The following OR1C1 variants were observed in gnomAD, a reference collection of about 807,000 sequenced individuals.
OR1C1 encodes olfactory receptor 1C1.
For synonymous variants in OR1C1, 153 were observed against 154.6 expected (o/e 0.99, Z 0.08); for missense variants, 407 against 384.3 (o/e 1.06, Z -0.49).
rs1313516948 is a variant in OR1C1 at position 247,754,943 on chromosome 1, T to A, written c.*2519A>T. ...ATGCCAATTAAATTTTAAAATGCAA[T>A]AAAAAGATACAGTAATCAAAAATGG... is the stretch of plus-strand genomic sequence containing the variant. On this transcript the variant is annotated 3_prime_UTR_variant, in exon 2 of 2. Transcript: ENST00000641256. The A allele has an allele frequency of 6.6e-6, 1 of 151,982 alleles. No homozygotes were observed. The highest frequency in any genetic ancestry group is 1.5e-5 in the Non-Finnish European group (1 of 67,938). 9.4% of individuals were successfully genotyped at this position (151,982 alleles called of 1,614,324 possible).
In OR1C1 at chr1:247,758,048, T is replaced by A. The variant is rs1174254373; in HGVS notation, c.359A>T (p.Tyr120Phe). ...MDSLLLCVMA[Y>F]DRYVAICHPL... ...GTGGCAAATCGCCACATATCTATCATACGCCATCACACACAGAAGGAGGCT... is the reference window on the plus strand; with the variant it reads ...GTGGCAAATCGCCACATATCTATCAAACGCCATCACACACAGAAGGAGGCT... Residue 120 changes from tyrosine to phenylalanine, a missense_variant, in exon 2 of 2, where the codon TAT (tyrosine) becomes TTT (phenylalanine). By Grantham distance (22) the Tyr-to-Phe change is conservative (BLOSUM62 3). Transcript: ENST00000641256. 2 of 1,614,088 alleles carry A rather than the reference T, an allele frequency of 1.2e-6. No individual in the cohort carries two copies. Among genetic ancestry groups the A allele is most frequent in the Admixed American group, 1.7e-5 (1 of 59,996 alleles).
chr1:247,757,686 A>T lies in OR1C1; in HGVS notation c.721T>A (p.Cys241Ser). ...ACCACCACTGACAGGTGGCAGCTGC[A>T]GGTGGAAACAGCTCTCTGCTTGCCC... ...TQGKQRAVSTCSCHLSVVVLF... is the reference protein window; with the variant it reads ...TQGKQRAVSTSSCHLSVVVLF... The change falls in exon 2 of 2, where the codon TGC (cysteine) becomes AGC (serine). Residue 241 changes from cysteine (C) to serine (S), a missense_variant. Cys to Ser is a moderately radical substitution (Grantham distance 112). Transcript: ENST00000641256. 6.2e-7 allele frequency: 1 copy of T among 1,614,068 alleles called. No homozygotes were observed. Among genetic ancestry groups the T allele is most frequent in the Non-Finnish European group, 8.5e-7 (1 of 1,179,986 alleles).
In OR1C1 at chr1:247,755,953, TTCTAA is replaced by T. The variant is rs1196865556; in HGVS notation, c.*1504_*1508del. The T allele has an allele frequency of 1.3e-5, 2 of 152,138 alleles. No homozygotes were observed. Among genetic ancestry groups the T allele is most frequent in the African/African-American group, 4.8e-5 (2 of 41,424 alleles). The allele number at this position is 152,138 out of a possible 1,614,324, so 9.4% of individuals were successfully genotyped here. Reference sequence around the variant, plus strand: ...CCCTAGCAGTGTCCTGCACCGAAACTTCTAAGCTTAAACAGTTTTCTACACCTACA... The same window carrying T: ...CCCTAGCAGTGTCCTGCACCGAAACTGCTTAAACAGTTTTCTACACCTACA... On this transcript the variant is annotated 3_prime_UTR_variant, in exon 2 of 2. Transcript: ENST00000641256.
intron 1 of OR1C1, 88 bp downstream of exon 1, chr1:247,760,324 T>C (rs1198988339): frequency 6.6e-6 from 1 of 152,158 alleles, no homozygotes; most frequent in Non-Finnish European, 1.5e-5. Flanking sequence ...AACAGCTTCG[T>C]CAAAAAACTT....
chr1:247,760,178 C>A (rs1166463295), intron 1 of OR1C1, among the ~76,000 whole-genome samples: 1 of 152,122 alleles, frequency 6.6e-6, no homozygotes, highest in Admixed American at 6.5e-5. Flanking sequence ...CTGGAGAAAT[C>A]ATTTGATTAT....
At chr1:247,759,490 A>T (rs1661292359) in intron 1 of OR1C1, among the ~76,000 whole-genome samples, 1 of 152,232 alleles carries the variant, frequency 6.6e-6, no homozygotes, top group East Asian at 1.9e-4. Flanking sequence ...CAAGTAAAGG[A>T]CATGTTGTAG....
In OR1C1 at chr1:247,757,622, G is replaced by A. The variant is rs369242788; in HGVS notation, c.785C>T (p.Pro262Leu). 2 of 1,614,116 alleles carry A rather than the reference G, an allele frequency of 1.2e-6. No homozygotes were observed. The highest frequency in any genetic ancestry group is 1.6e-4 in the Middle Eastern group (1 of 6,062). Residue 262 changes from proline (P) to leucine (L), a missense_variant, in exon 2 of 2, where the codon CCT (proline) becomes CTT (leucine). By Grantham distance (98) the Pro-to-Leu change is moderately conservative (BLOSUM62 -3). Transcript: ENST00000641256. ...GCTCTCAGGCATATGGGGGGATGAA[G>A]GGCTGAAATAGACGGCGATGGCTGT... Reference protein sequence around the residue: ...YGTAIAVYFSPSSPHMPESDT... With the variant: ...YGTAIAVYFSLSSPHMPESDT...
rs1241133605 is a variant in OR1C1 at position 247,755,001 on chromosome 1, A to G, written c.*2461T>C. The G allele has an allele frequency of 6.6e-6, 1 of 152,204 alleles. No individual in the cohort carries two copies. The highest frequency in any genetic ancestry group is 1.9e-4 in the East Asian group (1 of 5,196). 9.4% of individuals were successfully genotyped at this position (152,204 alleles called of 1,614,324 possible). Reference sequence around the variant, plus strand: ...CTGGCATAAAAATAGACACATAGAAATAAATTGATACATTCATGGTCAATT... The same window carrying G: ...CTGGCATAAAAATAGACACATAGAAGTAAATTGATACATTCATGGTCAATT... On this transcript the variant is annotated 3_prime_UTR_variant, in exon 2 of 2. Coordinates refer to ENST00000641256, the MANE Select transcript of OR1C1 (RefSeq NM_012353.3).
At position 247,757,835 on chromosome 1, in the gene OR1C1, T is replaced by C; in HGVS notation, c.572A>G (p.Asp191Gly). Reference sequence around the variant, plus strand: ...AATGATCATTACATTGAAGGAGACGTCAGAGCAAGAGAGCTGCAGGAGAGG... The same window carrying C: ...AATGATCATTACATTGAAGGAGACGCCAGAGCAAGAGAGCTGCAGGAGAGG... ...LNPLLQLSCS[D>G]VSFNVMIIFA... The change falls in exon 2 of 2, where the codon GAC becomes GGC. Residue 191 changes from aspartate to glycine, a missense_variant. Transcript: ENST00000641256. 6.2e-7 allele frequency: 1 copy of C among 1,613,884 alleles called. No homozygotes were observed. Among genetic ancestry groups the C allele is most frequent in the Non-Finnish European group, 8.5e-7 (1 of 1,179,930 alleles).
At chr1:247,758,484 G>T in intron 1 of OR1C1, 65 bp from the exon 2 acceptor site, 1 of 766,198 alleles carries the variant, frequency 1.3e-6, no homozygotes, top group East Asian at 2.9e-5. Context: ...ATGAGAGAGA[G>T]ACAGTGTGTG....
At position 247,757,719 on chromosome 1, in the gene OR1C1, A is replaced by G. The variant is rs370831859; in HGVS notation, c.688T>C (p.Ser230Pro). Residue 230 changes from serine to proline, a missense_variant, in exon 2 of 2, where the codon TCT becomes CCT. Transcript: ENST00000641256. ...ACAGCTCTCTGCTTGCCCTGAGTAG[A>G]GGTGATCTTCAGAACAGTGGAGAAG... ...LIFSTVLKIT[S>P]TQGKQRAVST... 69 of 1,613,970 alleles carry G rather than the reference A, an allele frequency of 4.3e-5. No individual in the cohort carries two copies. The highest frequency in any genetic ancestry group is 1.2e-4 in the African/African-American group (9 of 74,906).
At position 247,757,996 on chromosome 1, in the gene OR1C1, G is replaced by T. The variant is rs769478736; in HGVS notation, c.411C>A (p.Asn137Lys). ...CCACTAGCTGGACACAAAGGCACAG[G>T]TTCATTCTGGCGGTGTAATGTAAGG... ...CHPLHYTARM[N>K]LCLCVQLVAG... is the part of the protein sequence containing the mutation. Residue 137 changes from asparagine to lysine, a missense_variant, in exon 2 of 2, where the codon AAC becomes AAA. Transcript: ENST00000641256. The T allele has an allele frequency of 1.5e-5, 24 of 1,613,982 alleles. No homozygotes were observed. The highest frequency in any genetic ancestry group is 1.8e-5 in the Non-Finnish European group (21 of 1,180,012).
rs780088502 is a variant in OR1C1 at position 247,757,747 on chromosome 1, A to G, written c.660T>C (p.Leu220=). The change falls in exon 2 of 2, where the codon CTT becomes CTC. Residue 220 remains leucine (L), a synonymous_variant. Coordinates refer to ENST00000641256, the MANE Select transcript of OR1C1 (RefSeq NM_012353.3). ...PLVCILVSYG[L]IFSTVLKITS... is the part of the protein sequence containing the mutation. ...TGATCTTCAGAACAGTGGAGAAGAT[A>G]AGTCCATAAGATACGAGGATACAGA... The G allele has an allele frequency of 2.8e-5, 45 of 1,613,954 alleles. No individual in the cohort carries two copies. Among genetic ancestry groups the G allele is most frequent in the Non-Finnish European group, 3.6e-5 (43 of 1,180,014 alleles).
At chr1:247,758,523 C>T (rs1034871863) in intron 1 of OR1C1, 104 bp from the exon 2 acceptor site, 55 of 612,252 alleles carry the variant, frequency 9.0e-5, no homozygotes, top group Middle Eastern at 4.3e-4. Context: ...TGTGTGCATG[C>T]GTGCGCAGGT....
chr1:247,759,855 C>T (rs570296605), intron 1 of OR1C1, among the ~76,000 whole-genome samples: 14 of 152,144 alleles, frequency 9.2e-5, no homozygotes, highest in African/African-American at 1.2e-4. Flanking sequence ...AAAATCTGTA[C>T]GGAAAAGAAA....
In OR1C1 at chr1:247,758,386, T is replaced by G. The variant is rs746736273; in HGVS notation, c.21A>C (p.Thr7=). 5 of 1,605,932 alleles carry G rather than the reference T, an allele frequency of 3.1e-6. No homozygotes were observed. Among genetic ancestry groups the G allele is most frequent in the Middle Eastern group, 3.3e-4 (2 of 6,010 alleles). The part of the protein sequence containing the change: MEKRNL[T]VVREFVLLGL... ...CCAGAAGGACGAATTCCCTGACAAC[T>G]GTTAGATTTCTTTTTTCCATATTCC... The change falls in exon 2 of 2, where the codon ACA becomes ACC. Residue 7 remains threonine (T), a synonymous_variant. Transcript: ENST00000641256.
rs1395803985 is a variant in OR1C1, at chr1:247,756,905, C to A, written c.*557G>T. ...ATGCCTGAGATCAGTTAGGGACACA[C>A]ATGACAAGGACATGTGTCAATAGAA... On this transcript the variant is annotated 3_prime_UTR_variant, in exon 2 of 2. Transcript: ENST00000641256. The surrounding 1 kb of genome is among the most constrained non-coding windows in gnomAD (Gnocchi z 4.3). 6.6e-6 allele frequency: 1 copy of A among 152,024 alleles called. No individual in the cohort carries two copies. Among genetic ancestry groups the A allele is most frequent in the Non-Finnish European group, 1.5e-5 (1 of 68,420 alleles). 9.4% of individuals were successfully genotyped at this position (152,024 alleles called of 1,614,324 possible). A position where few individuals can be genotyped will look rare whatever the true frequency, so the allele number is the denominator to read the frequency against.
In OR1C1 at chr1:247,757,852, CAGGAG is replaced by C; in HGVS notation, c.550_554del (p.Leu184AlafsTer6). On this transcript the variant is annotated frameshift_variant, in exon 2 of 2. Coordinates refer to ENST00000641256, the MANE Select transcript of OR1C1 (RefSeq NM_012353.3). LOFTEE classifies it low-confidence loss of function (END_TRUNC). ...AGGAGACGTCAGAGCAAGAGAGCTGCAGGAGAGGATTGAGATCACAGAAGAAATGA... is the reference window on the plus strand; with the variant it reads ...AGGAGACGTCAGAGCAAGAGAGCTGCAGGATTGAGATCACAGAAGAAATGA... 6.2e-7 allele frequency: 1 copy of C among 1,613,928 alleles called. No homozygotes were observed. Among genetic ancestry groups the C allele is most frequent in the Non-Finnish European group, 8.5e-7 (1 of 1,179,966 alleles).
Position 247,757,594 on chromosome 1 carries a change from G to A in OR1C1, c.813C>T (p.Asp271=). Residue 271 remains aspartate (D), a synonymous_variant, in exon 2 of 2, where the codon GAC becomes GAT. Transcript: ENST00000641256. The part of the protein sequence containing the change: ...SPSSPHMPES[D]TLSTIMYSMV... Reference sequence around the variant, plus strand: ...TTGAATACATGATGGTTGACAGAGTGTCGCTCTCAGGCATATGGGGGGATG... The same window carrying A: ...TTGAATACATGATGGTTGACAGAGTATCGCTCTCAGGCATATGGGGGGATG... The A allele has an allele frequency of 6.2e-7, 1 of 1,614,056 alleles. No homozygotes were observed. Among genetic ancestry groups the A allele is most frequent in the East Asian group, 2.2e-5 (1 of 44,880 alleles).
Sources: allele counts gnomAD v4.1 joint callset (sites outside exome capture counted in the v4.1 genomes callset), GRCh38; gene constraint gnomAD v4.1.1; non-coding constraint Gnocchi (gnomAD v3.1); transcripts MANE v1.5; gene names NCBI Gene and HGNC (gene_info 2026-07-23, HGNC 2026-07-21).